KCNJ12: variants seen among roughly 807,000 people sequenced by gnomAD.
KCNJ12 encodes the protein potassium inwardly rectifying channel subfamily J member 12.
A neutral mutation model predicts 22.3 loss-of-function variants in KCNJ12; 2 were observed. That is an observed-to-expected ratio of 0.09 (90% CI 0.04 to 0.28). The LOEUF (loss-of-function observed/expected upper bound fraction) is 0.28, where lower values mean the gene tolerates loss of function less well. Ranked by LOEUF, KCNJ12 falls within the 10% of genes least tolerant of loss-of-function variation. KCNJ12 has a pLI of 1.00. For synonymous variants in KCNJ12, 117 were observed against 261.4 expected, an observed-to-expected ratio of 0.45 and a Z score of 5.33; for missense variants, 155 against 633.3, an observed-to-expected ratio of 0.24 and a Z score of 8.11.
At chr17:21,399,774 G>A (rs1444744194) in intron 1 of KCNJ12, among the ~76,000 whole-genome samples, 1 of 152,228 alleles carries the variant, frequency 6.6e-6, no homozygotes, top group Admixed American at 6.5e-5. Context: ...AGCCCTGGAA[G>A]TCCTGAATTT....
intron 1 of KCNJ12, among the ~76,000 whole-genome samples, chr17:21,406,470 T>C (rs1276830406): frequency 6.6e-6 from 1 of 152,306 alleles, no homozygotes; most frequent in Non-Finnish European, 1.5e-5. Flanking sequence ...ATGGAATGGC[T>C]GAGAGAGGCA....
chr17:21,418,665 C>T lies in KCNJ12; in HGVS notation c.*2021C>T, dbSNP rs1427053676. ...TTCCGCCGAGGCAGCTCTTTCCTCT[C>T]GGGGTCTGCCAGGGGTGCCTCAGCT... On this transcript the variant is annotated 3_prime_UTR_variant, in exon 3 of 3. Coordinates refer to ENST00000583088, the MANE Select transcript of KCNJ12 (RefSeq NM_021012.5). The T allele has an allele frequency of 4.2e-5, 7 of 167,742 alleles. No homozygotes were observed. Among genetic ancestry groups the T allele is most frequent in the Non-Finnish European group, 2.9e-5 (2 of 68,790 alleles). 10.4% of individuals were successfully genotyped at this position (167,742 alleles called of 1,614,324 possible).
chr17:21,410,215 C>G (rs1906241270), intron 2 of KCNJ12, among the ~76,000 whole-genome samples: 2 of 152,234 alleles, frequency 1.3e-5, no homozygotes, highest in African/African-American at 4.8e-5. Context: ...CAGGGCCTGC[C>G]ATGAGGGAGA....
intron 1 of KCNJ12, among the ~76,000 whole-genome samples, chr17:21,403,554 A>T (rs1432986619): frequency 6.6e-6 from 1 of 152,226 alleles, no homozygotes; most frequent in Non-Finnish European, 1.5e-5. Flanking sequence ...TTACAGCTGT[A>T]TGAAAATCAG....
chr17:21,408,901 C>T (rs9911201), intron 2 of KCNJ12, among the ~76,000 whole-genome samples: 12,144 of 116,970 alleles, frequency 0.1, no homozygotes, highest in African/African-American at 0.13. Flanking sequence ...TTCCACCCAC[C>T]TAGCCAGTCC....
At chr17:21,403,398 G>A (rs1311467677) in intron 1 of KCNJ12, among the ~76,000 whole-genome samples, 1 of 152,298 alleles carries the variant, frequency 6.6e-6, no homozygotes, top group Non-Finnish European at 1.5e-5. Context: ...ATATTTTTAT[G>A]TTGGCAAATT....
intron 1 of KCNJ12, among the ~76,000 whole-genome samples, chr17:21,387,224 C>T (rs1255340783): frequency 2.0e-5 from 3 of 151,654 alleles, no homozygotes; most frequent in Non-Finnish European, 2.9e-5. Flanking sequence ...GGGCAGATCA[C>T]GAGGTCAGGA....
intron 1 of KCNJ12, among the ~76,000 whole-genome samples, chr17:21,378,798 A>G (rs1157208687): frequency 1.3e-5 from 2 of 152,016 alleles, no homozygotes; most frequent in Non-Finnish European, 2.9e-5. Context: ...TGGGAGGGGC[A>G]GGACCTGAGC....
At chr17:21,408,955 C>G (rs1255743908) in intron 2 of KCNJ12, among the ~76,000 whole-genome samples, 1 of 152,312 alleles carries the variant, frequency 6.6e-6, no homozygotes, top group Non-Finnish European at 1.5e-5. Flanking sequence ...ATCTGTCAAC[C>G]CGATTTATCC....
chr17:21,388,308 A>C (rs953955878), intron 1 of KCNJ12, among the ~76,000 whole-genome samples: 4 of 152,060 alleles, frequency 2.6e-5, no homozygotes, highest in Non-Finnish European at 1.5e-5. Flanking sequence ...GGGCGTTGGG[A>C]GGACCTGCCA....
At chr17:21,392,369 G>A (rs1370567919) in intron 1 of KCNJ12, among the ~76,000 whole-genome samples, 1 of 152,226 alleles carries the variant, frequency 6.6e-6, no homozygotes, top group Admixed American at 6.5e-5. Context: ...GCTGGGCCCC[G>A]AGGGAAGGAC....
intron 1 of KCNJ12, among the ~76,000 whole-genome samples, chr17:21,384,433 C>T (rs1555558413): frequency 1.3e-5 from 2 of 152,130 alleles, no homozygotes; most frequent in African/African-American, 2.4e-5. Context: ...CGCCTGGGTG[C>T]CTCCTTCGTC....
rs573326134 is a variant in KCNJ12, at chr17:21,394,047, C to T, written c.-178-14472C>T. Among the ~76,000 whole-genome samples, 5 of 152,306 alleles carry T rather than the reference C, an allele frequency of 3.3e-5. No individual in the cohort carries two copies. In the South Asian group the frequency reaches 1.0e-3, roughly 32 times the overall value. ...GTCTAGGCTGTGGTCTACCTGAAGTCTCCAGTGAAGGCTACCTCCCTTGGC... is the reference window on the plus strand; with the variant it reads ...GTCTAGGCTGTGGTCTACCTGAAGTTTCCAGTGAAGGCTACCTCCCTTGGC... On this transcript the variant is annotated intron_variant, in intron 1 of 2. Coordinates refer to ENST00000583088, the MANE Select transcript of KCNJ12 (RefSeq NM_021012.5).
At chr17:21,411,933 C>T (rs1268444490) in intron 2 of KCNJ12, among the ~76,000 whole-genome samples, 1 of 152,308 alleles carries the variant, frequency 6.6e-6, no homozygotes, top group South Asian at 2.1e-4. Context: ...ATGCCAGGGT[C>T]CCCTTCTGGG....
At chr17:21,411,841 TG>T in intron 2 of KCNJ12, among the ~76,000 whole-genome samples, 1 of 152,310 alleles carries the variant, frequency 6.6e-6, no homozygotes. Context: ...GAAGGCCGCA[TG>T]GTTGTGTAAC....
At chr17:21,405,827 G>C (rs1905895132) in intron 1 of KCNJ12, among the ~76,000 whole-genome samples, 1 of 152,306 alleles carries the variant, frequency 6.6e-6, no homozygotes, top group Non-Finnish European at 1.5e-5. Flanking sequence ...CATGTGGAAG[G>C]CTGGCTCCTG....
In KCNJ12 at chr17:21,417,611, C is replaced by T. The variant is rs1280707693; in HGVS notation, c.*967C>T. The T allele has an allele frequency of 6.0e-6, 1 of 167,432 alleles. No homozygotes were observed. The highest frequency in any genetic ancestry group is 1.5e-5 in the Non-Finnish European group (1 of 68,372). 10.4% of individuals were successfully genotyped at this position (167,432 alleles called of 1,614,324 possible). On this transcript the variant is annotated 3_prime_UTR_variant, in exon 3 of 3. Transcript: ENST00000583088. The stretch of plus-strand genomic sequence containing the variant: ...TCCTTGGGAAGGGAAGTCGGGATCC[C>T]AGGCTAGGAGGAAGCTGGCAGCCCC...
chr17:21,402,749 G>A (rs1242733815), intron 1 of KCNJ12, among the ~76,000 whole-genome samples: 2 of 152,304 alleles, frequency 1.3e-5, no homozygotes, highest in Non-Finnish European at 2.9e-5. Flanking sequence ...CAGGTTATGG[G>A]GGGCTGAGGC....
rs1347519232 is a variant in KCNJ12, at chr17:21,416,131, T to C, written c.789T>C (p.Phe263=). Residue 263 remains phenylalanine (F), a synonymous_variant, in exon 3 of 3, where the codon TTT becomes TTC. Coordinates refer to ENST00000583088, the MANE Select transcript of KCNJ12 (RefSeq NM_021012.5). The part of the protein sequence containing the change: ...VGFDKGLDRI[F]LVSPITILHE... ...TCGACAAGGGCCTGGACCGCATCTT[T>C]CTGGTGTCGCCCATCACCATCTTGC... The C allele has an allele frequency of 2.5e-6, 4 of 1,613,396 alleles. No homozygotes were observed. The highest frequency in any genetic ancestry group is 3.4e-6 in the Non-Finnish European group (4 of 1,179,610).
Sources: gnomAD v4.1 joint callset for allele counts (sites outside exome capture counted in the v4.1 genomes callset) on GRCh38, gnomAD v4.1.1 for gene constraint, MANE v1.5 for transcripts, NCBI Gene and HGNC (gene_info 2026-07-23, HGNC 2026-07-21) for gene names.